The following PCNX4 variants were observed in gnomAD, a reference collection of about 807,000 sequenced individuals.
The protein encoded by PCNX4 is pecanex 4.
PCNX4 carries 103 observed loss-of-function variants against 107.2 expected under a neutral mutation model. That is an observed-to-expected ratio of 0.96 (90% CI 0.82 to 1.13). The LOEUF (loss-of-function observed/expected upper bound fraction) is 1.13. Ranked by LOEUF, PCNX4 falls within the 50% of genes most tolerant of loss-of-function variation. The pLI is 0.00. For synonymous variants in PCNX4, 541 were observed against 481.7 expected, an observed-to-expected ratio of 1.12 and a Z score of -1.61; for missense variants, 1,528 against 1,379.4, an observed-to-expected ratio of 1.11 and a Z score of -1.71.
intron 1 of PCNX4, among the ~76,000 whole-genome samples, chr14:60,097,171 A>G (rs1241488652): frequency 6.6e-6 from 1 of 152,212 alleles, no homozygotes; most frequent in Non-Finnish European, 1.5e-5. Context: ...CCATCACAGA[A>G]GGAAATCTCT....
rs1212175117 is a variant in PCNX4 at position 60,141,050 on chromosome 14, C to G, written c.*6829C>G. ...TATAAAGATGAAAGAGGCAGCCATC[C>G]TCTTCCCTTCCTGAAAGAGTCTGCT... On this transcript the variant is annotated 3_prime_UTR_variant, in exon 11 of 11. Transcript: ENST00000406854. The G allele has an allele frequency of 6.6e-6, 1 of 152,208 alleles. No homozygotes were observed. The highest frequency in any genetic ancestry group is 2.4e-5 in the African/African-American group (1 of 41,442). The allele number at this position is 152,208 out of a possible 1,614,324, so 9.4% of individuals were successfully genotyped here. A position where few individuals can be genotyped will look rare whatever the true frequency, so the allele number is the denominator to read the frequency against.
At chr14:60,126,426 G>C (rs1896056688) in intron 10 of PCNX4, among the ~76,000 whole-genome samples, 1 of 152,196 alleles carries the variant, frequency 6.6e-6, no homozygotes, top group Non-Finnish European at 1.5e-5. Flanking sequence ...TAGTGAAACT[G>C]ATGAAAATTC....
chr14:60,125,983 G>A (rs1896048963), intron 10 of PCNX4, 160 bp downstream of exon 10: 2 of 510,468 alleles, frequency 3.9e-6, no homozygotes, highest in East Asian at 3.5e-5. Flanking sequence ...GGCTAAGCTA[G>A]ATGAACTCTA....
rs1895816520 is a variant in PCNX4, at chr14:60,115,019, A to G, written c.915A>G (p.Ser305=). The G allele has an allele frequency of 8.1e-6, 13 of 1,612,432 alleles. No individual in the cohort carries two copies. The highest frequency in any genetic ancestry group is 3.3e-5 in the South Asian group (3 of 91,056). ...FIMSAGTAIA[S]YFIPSTVGVV... ...TGTCTGCTGGAACAGCTATAGCATC[A>G]TATTTCATTCCAAGCACTGTTGGTG... Residue 305 remains serine (S), a synonymous_variant, in exon 4 of 11, where the codon TCA becomes TCG. Coordinates refer to ENST00000406854, the MANE Select transcript of PCNX4 (RefSeq NM_001330177.2).
chr14:60,109,285 A>T (rs1895690622), intron 2 of PCNX4: 1 of 167,082 alleles, frequency 6.0e-6, no homozygotes. Flanking sequence ...TGTTTAAGCC[A>T]CTCAGCTTAT....
chr14:60,106,861 T>C (rs1566931246), intron 1 of PCNX4, among the ~76,000 whole-genome samples: 3 of 152,190 alleles, frequency 2.0e-5, no homozygotes, highest in African/African-American at 7.2e-5. Context: ...GTAGGGTAAC[T>C]GTTTTTCAGA....
chr14:60,139,428 C>T lies in PCNX4; in HGVS notation c.*5207C>T, dbSNP rs965055377. 2 of 151,896 alleles carry T rather than the reference C, an allele frequency of 1.3e-5. No individual in the cohort carries two copies. Among genetic ancestry groups the T allele is most frequent in the Admixed American group, 6.6e-5 (1 of 15,256 alleles). 9.4% of individuals were successfully genotyped at this position (151,896 alleles called of 1,614,324 possible). On this transcript the variant is annotated 3_prime_UTR_variant, in exon 11 of 11. Coordinates refer to ENST00000406854, the MANE Select transcript of PCNX4 (RefSeq NM_001330177.2). ...GATTCACCAGAAAGTTTCAACAGGT[C>T]TAATATTTTAATGATTTAACAATAT... is the stretch of plus-strand genomic sequence containing the variant.
chr14:60,106,838 T>C (rs1323638910), intron 1 of PCNX4, among the ~76,000 whole-genome samples: 2 of 152,238 alleles, frequency 1.3e-5, no homozygotes, highest in African/African-American at 2.4e-5. Context: ...AATACTTTGC[T>C]AGCTGGTTTT....
chr14:60,125,401 G>C, intron 9 of PCNX4, 150 bp downstream of exon 9: 1 of 931,922 alleles, frequency 1.1e-6, no homozygotes, highest in East Asian at 2.9e-5. Context: ...TAGTGTGATT[G>C]TATCAAGGGT....
chr14:60,139,729 A>G lies in PCNX4; in HGVS notation c.*5508A>G, dbSNP rs1045203012. 1.3e-5 allele frequency: 2 copies of G among 152,164 alleles called. No homozygotes were observed. The highest frequency in any genetic ancestry group is 2.9e-5 in the Non-Finnish European group (2 of 67,976). 9.4% of individuals were successfully genotyped at this position (152,164 alleles called of 1,614,324 possible). A position where few individuals can be genotyped will look rare whatever the true frequency, so the allele number is the denominator to read the frequency against. On this transcript the variant is annotated 3_prime_UTR_variant, in exon 11 of 11. Coordinates refer to ENST00000406854, the MANE Select transcript of PCNX4 (RefSeq NM_001330177.2). Reference sequence around the variant, plus strand: ...TAGGAATGGAATATATTCTTTGGCCATGTATCATTCACTTAGAAATCAATA... The same window carrying G: ...TAGGAATGGAATATATTCTTTGGCCGTGTATCATTCACTTAGAAATCAATA...
rs531654303 is a variant in PCNX4, at chr14:60,101,118, C to G, written c.-53-6468C>G. Among the ~76,000 whole-genome samples the G allele has an allele frequency of 5.9e-5, 9 of 152,340 alleles. No individual in the cohort carries two copies. In the South Asian group the frequency reaches 1.9e-3, roughly 32 times the overall value. On this transcript the variant is annotated intron_variant, in intron 1 of 10. Transcript: ENST00000406854. ...TCCCAGGTCTTCAGATAAACTCATC[C>G]TATTGTCAACCAGAAAATGTTTAAA...
intron 1 of PCNX4, among the ~76,000 whole-genome samples, chr14:60,098,795 G>A (rs1895475413): frequency 1.3e-5 from 2 of 152,024 alleles, no homozygotes; most frequent in Non-Finnish European, 2.9e-5. Context: ...AAAATTAGCT[G>A]AGCGTGGTGG....
intron 1 of PCNX4, among the ~76,000 whole-genome samples, chr14:60,095,460 G>A (rs1452014717): frequency 6.6e-6 from 1 of 152,166 alleles, no homozygotes; most frequent in Non-Finnish European, 1.5e-5. Context: ...AAATATAGGG[G>A]AGGTGTGTAG....
intron 6 of PCNX4, among the ~76,000 whole-genome samples, chr14:60,117,653 CGGT>C (rs1895875547): frequency 6.6e-6 from 1 of 152,136 alleles, no homozygotes; most frequent in Non-Finnish European, 1.5e-5. Flanking sequence ...TGGCCAGACA[CGGT>C]GGATCACGCC....
Position 60,125,820 on chromosome 14 carries a change from T to C in PCNX4, c.3264T>C (p.Asn1088=), listed in dbSNP as rs1419248759. The C allele has an allele frequency of 1.3e-6, 2 of 1,592,570 alleles. No homozygotes were observed. Among genetic ancestry groups the C allele is most frequent in the Non-Finnish European group, 1.7e-6 (2 of 1,172,638 alleles). Residue 1088 remains asparagine (N), a synonymous_variant, in exon 10 of 11, where the codon AAT becomes AAC. Transcript: ENST00000406854. ...TGTTTTCTCTGGGGTATGATTCTAA[T>C]ATGGTAAGGTTAAAAAATTTTTAAA... The part of the protein sequence containing the change: ...PYLFSLGYDS[N]MGIYTGRVLS...
chr14:60,097,163 A>G (rs1280300165), intron 1 of PCNX4, among the ~76,000 whole-genome samples: 1 of 152,180 alleles, frequency 6.6e-6, no homozygotes, highest in Non-Finnish European at 1.5e-5. Flanking sequence ...CCCCCCAACC[A>G]TCACAGAAGG....
chr14:60,104,711 AC>A (rs1345005637), intron 1 of PCNX4, among the ~76,000 whole-genome samples: 1 of 152,182 alleles, frequency 6.6e-6, no homozygotes, highest in Admixed American at 6.5e-5. Flanking sequence ...CCCTTATAAA[AC>A]CATCAGGTCT....
At chr14:60,095,266 A>C (rs768137746) in intron 1 of PCNX4, among the ~76,000 whole-genome samples, 3 of 152,338 alleles carry the variant, frequency 2.0e-5, no homozygotes, top group Non-Finnish European at 2.9e-5. Context: ...ATAAGATGAC[A>C]TAAAAGGGGC....
At position 60,129,144 on chromosome 14, in the gene PCNX4, G is replaced by A. The variant is rs558254606; in HGVS notation, c.3267+3321G>A. 1.5e-3 allele frequency among the ~76,000 whole-genome samples: 225 copies of A among 151,938 alleles called. 2 individuals are homozygous for A. Among genetic ancestry groups the A allele is most frequent in the Non-Finnish European group, 4.4e-4 (30 of 68,000 alleles). ...AATCCCAGCTACTTGGGAGGTTGAG[G>A]CAGGAGAATCGCTTGAACCCAGAAG... On this transcript the variant is annotated intron_variant, in intron 10 of 10. Transcript: ENST00000406854.
Sources: gnomAD v4.1 joint callset for allele counts (sites outside exome capture counted in the v4.1 genomes callset) on GRCh38, gnomAD v4.1.1 for gene constraint, MANE v1.5 for transcripts, NCBI Gene and HGNC (gene_info 2026-07-23, HGNC 2026-07-21) for gene names.